Variants in TOP2B observed in about 807,000 individuals in gnomAD.
TOP2B encodes DNA topoisomerase II beta, also known as DNA topoisomerase 2-beta.
A neutral mutation model predicts 193.5 loss-of-function variants in TOP2B; 51 were observed. The observed-to-expected ratio is 0.26, with a 90% CI of 0.21 to 0.33. TOP2B has a LOEUF of 0.33. TOP2B is among the 10% of genes least tolerant of loss of function. The pLI, the probability that TOP2B is intolerant of heterozygous loss-of-function variation, is 1.00. For missense variants in TOP2B, 1,378 were observed against 1,909.3 expected (o/e 0.72, Z 5.19); for synonymous variants, 634 against 635.7 (o/e 1.00, Z 0.04).
Position 25,635,957 on chromosome 3 carries a change from C to T in TOP2B, c.831G>A (p.Met277Ile). The change falls in exon 7 of 36, where the codon ATG (methionine) becomes ATA (isoleucine). Residue 277 changes from methionine to isoleucine, a missense_variant. By Grantham distance (10) the Met-to-Ile change is conservative. Around this residue, in one of 9 missense-constraint regions of TOP2B, gnomAD observed 222 missense variants for 306.6 expected, o/e 0.72. Transcript: ENST00000264331. ...LAGSCRGVKV[M>I]FNGKKLPVNG... Reference sequence around the variant, plus strand: ...TTACAGGCAATTTCTTTCCATTAAACATGACCTTGACCCCTCTACACGAAC... The same window carrying T: ...TTACAGGCAATTTCTTTCCATTAAATATGACCTTGACCCCTCTACACGAAC... 6.2e-7 allele frequency: 1 copy of T among 1,613,066 alleles called. No homozygotes were observed.
intron 2 of TOP2B, among the ~76,000 whole-genome samples, 172 bp downstream of exon 2, chr3:25,645,128 T>TC (rs1703379779): frequency 6.6e-6 from 1 of 152,184 alleles, no homozygotes; most frequent in African/African-American, 2.4e-5. Flanking sequence ...CGGTTTTTAA[T>TC]CCCCAAAAAG....
rs1304930945 is a variant in TOP2B at position 25,599,310 on chromosome 3, C to T, written c.4710+125G>A. 5 of 732,162 alleles carry T rather than the reference C, an allele frequency of 6.8e-6. No individual in the cohort carries two copies. In the African/African-American group the frequency reaches 7.2e-5, roughly 11 times the overall value. The allele number at this position is 732,162 out of a possible 1,614,324, so 45.4% of individuals were successfully genotyped here. A position where few individuals can be genotyped will look rare whatever the true frequency, so the allele number is the denominator to read the frequency against. On this transcript the variant is annotated intron_variant, in intron 35 of 35. Coordinates refer to ENST00000264331, the MANE Select transcript of TOP2B (RefSeq NM_001330700.2). The stretch of plus-strand genomic sequence containing the variant: ...GAATAATTTCTTAACCAAATACAAG[C>T]CCCATATTGATACGAGATGCTAGGT...
chr3:25,618,642 G>C lies in TOP2B; in HGVS notation c.3259+12C>G, dbSNP rs760791346. 1.3e-6 allele frequency: 2 copies of C among 1,589,106 alleles called. No homozygotes were observed. The highest frequency in any genetic ancestry group is 1.7e-6 in the Non-Finnish European group (2 of 1,170,776). ...TTAACTAATGTTCAAATTTTTAAAGGTTGTATCTTACCTATAGTAATTTTC... is the reference window on the plus strand; with the variant it reads ...TTAACTAATGTTCAAATTTTTAAAGCTTGTATCTTACCTATAGTAATTTTC... On this transcript the variant is annotated intron_variant, in intron 24 of 35. Transcript: ENST00000264331.
chr3:25,633,347 T>C (rs1703014746), intron 8 of TOP2B, among the ~76,000 whole-genome samples: 1 of 152,106 alleles, frequency 6.6e-6, no homozygotes, highest in Non-Finnish European at 1.5e-5. Flanking sequence ...AAGAGATGCA[T>C]AGGGCATAGT....
At chr3:25,646,941 C>T (rs909786566) in intron 1 of TOP2B, among the ~76,000 whole-genome samples, 6 of 151,986 alleles carry the variant, frequency 3.9e-5, no homozygotes, top group African/African-American at 7.2e-5. Flanking sequence ...TTAAAAATAA[C>T]TCATTTTACT....
intron 34 of TOP2B, 103 bp from the exon 35 acceptor site, chr3:25,599,632 G>A (rs750785059): frequency 4.8e-6 from 5 of 1,033,940 alleles, no homozygotes; most frequent in Non-Finnish European, 7.1e-6. Flanking sequence ...CCAATCAGTG[G>A]AGCATTGCAG....
chr3:25,639,891 C>T (rs956129436), intron 4 of TOP2B, among the ~76,000 whole-genome samples: 1 of 152,126 alleles, frequency 6.6e-6, no homozygotes, highest in Non-Finnish European at 1.5e-5. Flanking sequence ...ATACTTTGTC[C>T]ATTAGCTATT....
chr3:25,605,818 C>T (rs960860473), intron 32 of TOP2B, among the ~76,000 whole-genome samples: 2 of 152,058 alleles, frequency 1.3e-5, no homozygotes, highest in African/African-American at 4.8e-5. Context: ...TAAGCATTTG[C>T]CTGTCCACCT....
intron 18 of TOP2B, 57 bp downstream of exon 18, chr3:25,626,503 A>C: frequency 1.0e-6 from 1 of 994,610 alleles, no homozygotes; most frequent in Non-Finnish European, 1.5e-6. Context: ...CTTAAAGTAC[A>C]TGAAATTAAA....
rs374630212 is a variant in TOP2B at position 25,632,502 on chromosome 3, G to T, written c.1210C>A (p.Leu404Met). Residue 404 changes from leucine to methionine, a missense_variant, in exon 10 of 36, where the codon CTG becomes ATG. This residue lies in a region of TOP2B where 222 missense variants were observed against 306.6 expected (regional missense o/e 0.72). Coordinates refer to ENST00000264331, the MANE Select transcript of TOP2B (RefSeq NM_001330700.2). ...FDSQTKENMT[L>M]QPKSFGSKCQ... ...TTAGACCCAAAACTTTTGGGCTGCA[G>T]AGTCATGTTTTCCTTAGTCTGAGAA... is the stretch of plus-strand genomic sequence containing the variant. 10 of 1,587,596 alleles carry T rather than the reference G, an allele frequency of 6.3e-6. No individual in the cohort carries two copies. The highest frequency in any genetic ancestry group is 8.6e-6 in the Non-Finnish European group (10 of 1,168,968).
chr3:25,599,832 G>A (rs1189945616), intron 34 of TOP2B, among the ~76,000 whole-genome samples: 1 of 152,138 alleles, frequency 6.6e-6, no homozygotes, highest in African/African-American at 2.4e-5. Flanking sequence ...AGCCTGAAAA[G>A]GAAATATCTT....
chr3:25,642,207 C>T, intron 4 of TOP2B, 115 bp downstream of exon 4: 1 of 542,972 alleles, frequency 1.8e-6, no homozygotes, highest in Non-Finnish European at 3.2e-6. Context: ...AAGTCTCAAA[C>T]AACAGGGAAA....
At chr3:25,650,441 T>C (rs920490827) in intron 1 of TOP2B, among the ~76,000 whole-genome samples, 3 of 152,256 alleles carry the variant, frequency 2.0e-5, no homozygotes, top group Non-Finnish European at 4.4e-5. Flanking sequence ...TTCAGGATTA[T>C]GCTGGTAAAG....
rs367867747 is a variant in TOP2B, at chr3:25,630,089, G to A, written c.1629C>T (p.Tyr543=). 4.6e-4 allele frequency: 745 copies of A among 1,606,196 alleles called. No individual in the cohort carries two copies. The highest frequency in any genetic ancestry group is 5.6e-4 in the Non-Finnish European group (664 of 1,175,966). Residue 543 remains tyrosine, a synonymous_variant, in exon 13 of 36, where the codon TAC becomes TAT. Coordinates refer to ENST00000264331, the MANE Select transcript of TOP2B (RefSeq NM_001330700.2). ...AGGTTTTCAGAGATTCTGCATCATC[G>A]TAACTTTTCTTATATTGTAGACCAA... ...KIVGLQYKKS[Y]DDAESLKTLR... is the part of the protein sequence containing the mutation.
Position 25,630,459 on chromosome 3 carries a change from A to G in TOP2B, c.1416T>C (p.His472=). The part of the protein sequence containing the change: ...LDDANDAGGK[H]SLECTLILTE... ...TTAATATCAGTGTACACTCCAGGGA[A>G]TGTTTACCACCTGAGAGAAATTTAA... The change falls in exon 12 of 36, where the codon CAT becomes CAC. Residue 472 remains histidine, a synonymous_variant. Transcript: ENST00000264331. 6.5e-7 allele frequency: 1 copy of G among 1,542,110 alleles called. No individual in the cohort carries two copies. The highest frequency in any genetic ancestry group is 8.7e-7 in the Non-Finnish European group (1 of 1,143,246).
rs759335330 is a variant in TOP2B, at chr3:25,598,461, G to C, written c.4727C>G (p.Ser1576Cys). ...KTTSKKPKKTSFDQDSDVDIF... is the reference protein window; with the variant it reads ...KTTSKKPKKTCFDQDSDVDIF... Reference sequence around the variant, plus strand: ...GTCCACATCTGAATCCTGATCAAAAGATGTCTTCTTCGGTTTCTAGATTTT... The same window carrying C: ...GTCCACATCTGAATCCTGATCAAAACATGTCTTCTTCGGTTTCTAGATTTT... Residue 1576 changes from serine (S) to cysteine (C), a missense_variant, in exon 36 of 36, where the codon TCT (serine) becomes TGT (cysteine). Physicochemically the swap from Ser to Cys is moderately radical, Grantham distance 112 (BLOSUM62 -1). Coordinates refer to ENST00000264331, the MANE Select transcript of TOP2B (RefSeq NM_001330700.2). The C allele has an allele frequency of 1.3e-6, 2 of 1,588,354 alleles. No individual in the cohort carries two copies. Among genetic ancestry groups the C allele is most frequent in the East Asian group, 2.2e-5 (1 of 44,510 alleles).
chr3:25,604,207 GT>G (rs942230892), intron 33 of TOP2B, among the ~76,000 whole-genome samples: 2 of 151,700 alleles, frequency 1.3e-5, no homozygotes, highest in African/African-American at 4.9e-5. Context: ...GATTTGTGGG[GT>G]TTTTTTTAAG....
chr3:25,663,614 C>T (rs1028932302), intron 1 of TOP2B, among the ~76,000 whole-genome samples: 6 of 152,200 alleles, frequency 3.9e-5, no homozygotes, highest in Admixed American at 6.5e-5. Flanking sequence ...CGTAGACAAG[C>T]ACTTCTTTTA....
intron 1 of TOP2B, among the ~76,000 whole-genome samples, chr3:25,651,625 G>A (rs1703592094): frequency 6.6e-6 from 1 of 152,070 alleles, no homozygotes; most frequent in Non-Finnish European, 1.5e-5. Context: ...CAGCACTTTG[G>A]GAGACCAAGG....
Sources: allele counts gnomAD v4.1 joint callset (sites outside exome capture counted in the v4.1 genomes callset), GRCh38; gene constraint gnomAD v4.1.1; regional missense constraint gnomAD v4.1.1; transcripts MANE v1.5; gene names NCBI Gene and HGNC (gene_info 2026-07-23, HGNC 2026-07-21).